LRMDA: variants seen among roughly 807,000 people sequenced by gnomAD.
LRMDA encodes the protein leucine-rich melanocyte differentiation-associated protein.
LRMDA carries 18 observed loss-of-function variants against 29.8 expected under a neutral mutation model. The observed-to-expected ratio is 0.60, with a 90% confidence interval of 0.42 to 0.90. The LOEUF is 0.90. Ranked by LOEUF, LRMDA falls within the 40% of genes least tolerant of loss-of-function variation. LRMDA has a pLI of 0.00. For synonymous variants in LRMDA, 125 were observed against 109.4 expected (o/e 1.14, Z -0.89); for missense variants, 273 against 273.9 (o/e 1.00, Z 0.02).
chr10:75,867,963 A>T (rs952318033), intron 2 of LRMDA, among the ~76,000 whole-genome samples: 1 of 152,234 alleles, frequency 6.6e-6, no homozygotes, highest in African/African-American at 2.4e-5. Context: ...TGAATTTCAT[A>T]TAATTCCCCA....
At chr10:76,379,557 T>A (rs1332619603) in intron 6 of LRMDA, among the ~76,000 whole-genome samples, 1 of 152,186 alleles carries the variant, frequency 6.6e-6, no homozygotes, top group East Asian at 1.9e-4. Context: ...GTGGTTTCAA[T>A]TGTAATGTGT....
chr10:75,879,309 T>C (rs1845254309), intron 2 of LRMDA, among the ~76,000 whole-genome samples: 1 of 152,162 alleles, frequency 6.6e-6, no homozygotes, highest in Non-Finnish European at 1.5e-5. Flanking sequence ...AGAATTTTGC[T>C]TCCATTAGCC....
intron 6 of LRMDA, among the ~76,000 whole-genome samples, chr10:76,536,468 G>A (rs1446664836): frequency 1.3e-5 from 2 of 152,114 alleles, no homozygotes; most frequent in East Asian, 1.9e-4. Flanking sequence ...TTTGTTGAAA[G>A]AAGCTCTCCA....
intron 5 of LRMDA, among the ~76,000 whole-genome samples, chr10:76,246,082 G>T (rs1356175573): frequency 5.9e-5 from 9 of 152,186 alleles, no homozygotes; most frequent in Admixed American, 5.9e-4. Context: ...AGACATAAGA[G>T]AGTTGGAAAC....
chr10:76,084,397 T>TTTTA (rs1849101519), intron 5 of LRMDA, among the ~76,000 whole-genome samples: 1 of 94,754 alleles, frequency 1.1e-5, no homozygotes, highest in Non-Finnish European at 2.3e-5. Context: ...TTTTTTTTTG[T>TTTTA]AGAGTCAGGG....
chr10:76,094,212 A>G (rs1231738675), intron 5 of LRMDA, among the ~76,000 whole-genome samples: 1 of 152,196 alleles, frequency 6.6e-6, no homozygotes, highest in Non-Finnish European at 1.5e-5. Context: ...CTCTCAACTT[A>G]CCAAATAGAG....
At chr10:75,856,344 A>G (rs916911522) in intron 2 of LRMDA, among the ~76,000 whole-genome samples, 2 of 152,108 alleles carry the variant, frequency 1.3e-5, no homozygotes, top group African/African-American at 4.8e-5. Flanking sequence ...ATGGGAGTTC[A>G]CTCATGATTT....
intron 6 of LRMDA, among the ~76,000 whole-genome samples, chr10:76,510,362 C>G (rs1197283613): frequency 6.6e-6 from 1 of 152,200 alleles, no homozygotes; most frequent in East Asian, 1.9e-4. Flanking sequence ...TGAGCCACCA[C>G]CCCCAGCCGC....
chr10:75,773,181 A>G (rs1315715146), intron 2 of LRMDA, among the ~76,000 whole-genome samples: 1 of 152,206 alleles, frequency 6.6e-6, no homozygotes, highest in Non-Finnish European at 1.5e-5. Flanking sequence ...ACTAGGTACC[A>G]GTAACACATC....
chr10:76,423,152 T>C (rs1842087545), intron 6 of LRMDA, among the ~76,000 whole-genome samples: 1 of 152,180 alleles, frequency 6.6e-6, no homozygotes, highest in Non-Finnish European at 1.5e-5. Flanking sequence ...CCCAGCACTT[T>C]GGGAGGCTGA....
At chr10:75,827,745 C>A (rs192333323) in intron 2 of LRMDA, among the ~76,000 whole-genome samples, 27 of 152,316 alleles carry the variant, frequency 1.8e-4, no homozygotes, top group African/African-American at 6.5e-4. Flanking sequence ...TGTACGTTAT[C>A]CATCTTGTTA....
rs1160178913 is a variant in LRMDA, at chr10:75,839,700, C to CTTT, written c.132-196284_132-196282dup. Among the ~76,000 whole-genome samples, 364 of 82,792 alleles carry CTTT rather than the reference C, an allele frequency of 4.4e-3. 59 individuals carry two copies. Among genetic ancestry groups the CTTT allele is most frequent in the African/African-American group, 0.019 (295 of 15,530 alleles). 54.3% of individuals were successfully genotyped at this position (82,792 alleles called of 152,430 possible). On this transcript the variant is annotated intron_variant, in intron 2 of 6. Coordinates refer to ENST00000611255, the MANE Select transcript of LRMDA (RefSeq NM_001305581.2). ...TACTCCTTAGGATGCATCCGACTTT[C>CTTT]TTTTTTTTTTTTTTTTTTTTTTTTT...
At chr10:75,717,795 A>T (rs1349463160) in intron 2 of LRMDA, among the ~76,000 whole-genome samples, 1 of 152,182 alleles carries the variant, frequency 6.6e-6, no homozygotes, top group Non-Finnish European at 1.5e-5. Flanking sequence ...AAGTCCTCTG[A>T]TGGGAATGAT....
intron 2 of LRMDA, among the ~76,000 whole-genome samples, chr10:75,619,686 G>A (rs779655726): frequency 1.3e-5 from 2 of 152,096 alleles, no homozygotes; most frequent in Non-Finnish European, 1.5e-5. Flanking sequence ...CTACACACTG[G>A]CTCACTGTGA....
At position 76,018,262 on chromosome 10, in the gene LRMDA, A is replaced by G. The variant is rs530998226; in HGVS notation, c.132-17746A>G. ...TTTGTAGTCAGGGCCTGTCCTGCAT[A>G]TTGTATGATGTTTATCATCATCCCT... On this transcript the variant is annotated intron_variant, in intron 2 of 6. Coordinates refer to ENST00000611255, the MANE Select transcript of LRMDA (RefSeq NM_001305581.2). 9.2e-5 allele frequency among the ~76,000 whole-genome samples: 14 copies of G among 152,320 alleles called. No individual in the cohort carries two copies. In the South Asian group the frequency reaches 2.9e-3, roughly 32 times the overall value.
At chr10:75,714,813 CCTT>C (rs529970152) in intron 2 of LRMDA, among the ~76,000 whole-genome samples, 13 of 151,892 alleles carry the variant, frequency 8.6e-5, no homozygotes, top group African/African-American at 2.9e-4. Context: ...TTCCCTTCCT[CCTT>C]CTTTCCCTTC....
chr10:76,437,198 C>T (rs1381050021), intron 6 of LRMDA, among the ~76,000 whole-genome samples: 1 of 152,198 alleles, frequency 6.6e-6, no homozygotes. Flanking sequence ...AGCGATGGAT[C>T]CAGGCTCAGC....
chr10:75,677,330 T>C (rs1841972546), intron 2 of LRMDA, among the ~76,000 whole-genome samples: 1 of 152,158 alleles, frequency 6.6e-6, no homozygotes, highest in South Asian at 2.1e-4. Context: ...TTCCTCAGTC[T>C]GGAAGAAGTT....
At chr10:76,510,988 T>G (rs934597440) in intron 6 of LRMDA, among the ~76,000 whole-genome samples, 2 of 152,192 alleles carry the variant, frequency 1.3e-5, no homozygotes, top group African/African-American at 4.8e-5. Context: ...AAACTACACT[T>G]GATAAAGCAG....
Sources: allele counts gnomAD v4.1 joint callset (sites outside exome capture counted in the v4.1 genomes callset), GRCh38; gene constraint gnomAD v4.1.1; transcripts MANE v1.5; gene names NCBI Gene and HGNC (gene_info 2026-07-23, HGNC 2026-07-21).